THNSL1: variants seen among roughly 807,000 people sequenced by gnomAD.
THNSL1 encodes the protein threonine synthase like 1.
In THNSL1, 48 loss-of-function variants were observed where a neutral mutation model predicts 50.4. That is an observed-to-expected ratio of 0.95 (90% CI 0.76 to 1.21). The LOEUF (loss-of-function observed/expected upper bound fraction) is 1.21, where lower values mean the gene tolerates loss of function less well. Ranked by LOEUF, THNSL1 falls within the 50% of genes most tolerant of loss-of-function variation. THNSL1 has a pLI of 0.00. For synonymous variants in THNSL1, 309 were observed against 306.1 expected, an observed-to-expected ratio of 1.01 and a Z score of -0.10; for missense variants, 896 against 871.7, an observed-to-expected ratio of 1.03 and a Z score of -0.35.
At chr10:24,966,692 C>T in the THNSL1 span, among the ~76,000 whole-genome samples, 1 of 152,092 alleles carries the variant, frequency 6.6e-6, no homozygotes, top group Non-Finnish European at 1.5e-5. Context: ...GAGTATATTC[C>T]TTTATTTATG....
chr10:24,988,664 G>GTATATA, the THNSL1 span, among the ~76,000 whole-genome samples: 1 of 98,844 alleles, frequency 1.0e-5, no homozygotes. Context: ...CACAGCATAT[G>GTATATA]TATATATATA....
the THNSL1 span, among the ~76,000 whole-genome samples, chr10:25,011,213 TC>T: frequency 1.3e-5 from 2 of 152,262 alleles, no homozygotes; most frequent in African/African-American, 2.4e-5. Context: ...GACCATTTTT[TC>T]ATCTGTCTTT....
chr10:25,007,520 C>T, the THNSL1 span, among the ~76,000 whole-genome samples: 23 of 152,130 alleles, frequency 1.5e-4, no homozygotes, highest in Non-Finnish European at 3.1e-4. Context: ...CTGCAAGCTC[C>T]GCCTCCCGGG....
At chr10:24,959,730 T>C in the THNSL1 span, among the ~76,000 whole-genome samples, 1 of 152,186 alleles carries the variant, frequency 6.6e-6, no homozygotes, top group Non-Finnish European at 1.5e-5. Flanking sequence ...TATAAGTGTT[T>C]TAAAAATATT....
chr10:25,009,894 T>G, the THNSL1 span, among the ~76,000 whole-genome samples: 2 of 152,222 alleles, frequency 1.3e-5, no homozygotes, highest in Non-Finnish European at 2.9e-5. Flanking sequence ...CATGTGGAAC[T>G]GCGAGTCAAA....
At chr10:24,970,253 T>C in the THNSL1 span, among the ~76,000 whole-genome samples, 137 of 152,348 alleles carry the variant, frequency 9.0e-4, no homozygotes, top group African/African-American at 3.2e-3. Context: ...CCCCATTAAA[T>C]GGAAGGGTAA....
At chr10:25,020,276 A>ATATCTG (rs58705370) in intron 1 of THNSL1, among the ~76,000 whole-genome samples, 1 of 149,428 alleles carries the variant, frequency 6.7e-6, no homozygotes, top group African/African-American at 2.5e-5. Flanking sequence ...ATCTATATCT[A>ATATCTG]TATATATCTA....
the THNSL1 span, among the ~76,000 whole-genome samples, chr10:24,985,250 T>C: frequency 6.6e-6 from 1 of 152,226 alleles, no homozygotes; most frequent in Non-Finnish European, 1.5e-5. Flanking sequence ...CAACTTAGAA[T>C]GATATCCTCG....
the THNSL1 span, among the ~76,000 whole-genome samples, chr10:25,010,660 G>T: frequency 7.2e-6 from 1 of 138,946 alleles, no homozygotes; most frequent in Non-Finnish European, 1.5e-5. Context: ...TGTTCTCATT[G>T]TTCAATTCCC....
chr10:25,000,030 T>A, the THNSL1 span, among the ~76,000 whole-genome samples: 14 of 152,324 alleles, frequency 9.2e-5, no homozygotes, highest in African/African-American at 3.4e-4. Context: ...TTTTACTTTC[T>A]TAAGATACAA....
chr10:25,004,981 C>T, the THNSL1 span, among the ~76,000 whole-genome samples: 1 of 152,148 alleles, frequency 6.6e-6, no homozygotes, highest in Non-Finnish European at 1.5e-5. Context: ...CTGCATATGG[C>T]TAGCCAGTTC....
At chr10:24,956,703 A>G in the THNSL1 span, among the ~76,000 whole-genome samples, 4 of 152,204 alleles carry the variant, frequency 2.6e-5, no homozygotes, top group Non-Finnish European at 5.9e-5. Flanking sequence ...GAAATATACA[A>G]CACATTATTG....
At chr10:24,965,787 T>C in the THNSL1 span, among the ~76,000 whole-genome samples, 1 of 152,170 alleles carries the variant, frequency 6.6e-6, no homozygotes, top group Non-Finnish European at 1.5e-5. Context: ...GCTACAGAAA[T>C]CAGCAAGTCG....
chr10:24,971,316 G>C, the THNSL1 span, among the ~76,000 whole-genome samples: 2 of 144,462 alleles, frequency 1.4e-5, no homozygotes, highest in African/African-American at 5.8e-5. Context: ...TGTTACACAG[G>C]CTGGTCTTGA....
At chr10:24,991,564 C>T in the THNSL1 span, among the ~76,000 whole-genome samples, 2 of 152,150 alleles carry the variant, frequency 1.3e-5, no homozygotes, top group Non-Finnish European at 1.5e-5. Flanking sequence ...AGTGGAACAA[C>T]GCAGAGTTTG....
the THNSL1 span, chr10:24,952,552 C>A: frequency 5.0e-6 from 8 of 1,591,594 alleles, no homozygotes; most frequent in African/African-American, 1.3e-5. The surrounding 1 kb of genome is among the most constrained non-coding windows in gnomAD (Gnocchi z 5.1). Context: ...CGTAGTCTGG[C>A]GCCTCCTCGC....
chr10:24,956,447 T>A, the THNSL1 span, among the ~76,000 whole-genome samples: 2 of 151,138 alleles, frequency 1.3e-5, no homozygotes, highest in African/African-American at 2.5e-5. Context: ...TTAGCAGTAG[T>A]TTCTCTGCAT....
rs1211964807 is a variant in THNSL1 at position 25,025,226 on chromosome 10, A to G, written c.2003A>G (p.Tyr668Cys). The change falls in exon 3 of 3, where the codon TAC becomes TGC. Residue 668 changes from tyrosine to cysteine, a missense_variant. Coordinates refer to ENST00000376356, the MANE Select transcript of THNSL1 (RefSeq NM_024838.5). Reference sequence around the variant, plus strand: ...GTGATTATCTCATCTACAGCCCATTACTCAAAGTTTGCACCTGCTATCATG... The same window carrying G: ...GTGATTATCTCATCTACAGCCCATTGCTCAAAGTTTGCACCTGCTATCATG... ...CPVIISSTAHYSKFAPAIMQA... is the reference protein window; with the variant it reads ...CPVIISSTAHCSKFAPAIMQA... 25 of 1,614,080 alleles carry G rather than the reference A, an allele frequency of 1.5e-5. No homozygotes were observed. The highest frequency in any genetic ancestry group is 2.1e-5 in the Non-Finnish European group (25 of 1,180,044).
chr10:24,961,828 G>A, the THNSL1 span, among the ~76,000 whole-genome samples: 1 of 152,192 alleles, frequency 6.6e-6, no homozygotes, highest in African/African-American at 2.4e-5. Context: ...AACTCAGGCA[G>A]ACTCAGCTTT....
Sources: allele counts gnomAD v4.1 joint callset (sites outside exome capture counted in the v4.1 genomes callset), GRCh38; gene constraint gnomAD v4.1.1; non-coding constraint Gnocchi (gnomAD v3.1); transcripts MANE v1.5; gene names NCBI Gene and HGNC (gene_info 2026-07-23, HGNC 2026-07-21).